The following DNAJC25 variants were observed in gnomAD, a reference collection of about 807,000 sequenced individuals.
DNAJC25 encodes the protein dnaJ homolog subfamily C member 25.
A neutral mutation model predicts 42.1 loss-of-function variants in DNAJC25; 26 were observed. The ratio of observed to expected loss-of-function variants is 0.62; its 90% CI spans 0.45 to 0.86. The LOEUF (loss-of-function observed/expected upper bound fraction) is 0.86. Among genes scored for constraint, DNAJC25 ranks in the 40% least tolerant of loss-of-function variants. The probability of loss-of-function intolerance (pLI) is 0.00; values close to 1 mark genes in which losing one functional copy is unlikely to be tolerated. For missense variants in DNAJC25, 404 were observed against 459.4 expected (o/e 0.88, Z 1.10); for synonymous variants, 189 against 179.9 (o/e 1.05, Z -0.40).
Position 111,649,691 on chromosome 9 carries a change from A to G in DNAJC25, c.728A>G (p.Asp243Gly). ...GGCTATCAGAAACCCCAAATCTGTGATCTTCTCCTGTTTCAAATTATCTTA... is the reference window on the plus strand; with the variant it reads ...GGCTATCAGAAACCCCAAATCTGTGGTCTTCTCCTGTTTCAAATTATCTTA... ...KGGYQKPQICDLLLFQIILAP... is the reference protein window; with the variant it reads ...KGGYQKPQICGLLLFQIILAP... The change falls in exon 3 of 4, where the codon GAT (aspartate) becomes GGT (glycine). Residue 243 changes from aspartate (D) to glycine (G), a missense_variant. Physicochemically the swap from Asp to Gly is moderately conservative, Grantham distance 94. Transcript: ENST00000313525. 6.2e-7 allele frequency: 1 copy of G among 1,614,130 alleles called. No homozygotes were observed. Among genetic ancestry groups the G allele is most frequent in the South Asian group, 1.1e-5 (1 of 91,082 alleles).
At position 111,654,070 on chromosome 9, in the gene DNAJC25, C is replaced by T. The variant is rs762490599; in HGVS notation, c.*848C>T. Reference sequence around the variant, plus strand: ...AGAAATAGTGTATTGAAAAGTTGTTCATCTATTATGAAGTCCTTGAGTGGT... The same window carrying T: ...AGAAATAGTGTATTGAAAAGTTGTTTATCTATTATGAAGTCCTTGAGTGGT... On this transcript the variant is annotated 3_prime_UTR_variant, in exon 4 of 4. Coordinates refer to ENST00000313525, the MANE Select transcript of DNAJC25 (RefSeq NM_001015882.3). The T allele has an allele frequency of 6.6e-6, 1 of 151,702 alleles. No homozygotes were observed. Among genetic ancestry groups the T allele is most frequent in the Non-Finnish European group, 1.5e-5 (1 of 67,950 alleles). 9.4% of individuals were successfully genotyped at this position (151,702 alleles called of 1,614,324 possible). A position where few individuals can be genotyped will look rare whatever the true frequency, so the allele number is the denominator to read the frequency against.
At chr9:111,641,951 C>T (rs1182967357) in intron 1 of DNAJC25, among the ~76,000 whole-genome samples, 4 of 125,884 alleles carry the variant, frequency 3.2e-5, no homozygotes, top group East Asian at 5.6e-4. Flanking sequence ...TTCAGCCCCC[C>T]GCCCGGCCAG....
At chr9:111,641,273 G>C (rs1397311634) in intron 1 of DNAJC25, among the ~76,000 whole-genome samples, 11 of 143,912 alleles carry the variant, frequency 7.6e-5, no homozygotes, top group African/African-American at 2.6e-4. Context: ...TGGGAGGTGA[G>C]GGGCGCCTCT....
chr9:111,633,666 A>G (rs1270509340), intron 1 of DNAJC25, among the ~76,000 whole-genome samples: 1 of 152,148 alleles, frequency 6.6e-6, no homozygotes, highest in Non-Finnish European at 1.5e-5. Context: ...AATGGTGAGC[A>G]TGTTGGTAAG....
At chr9:111,648,337 C>T (rs905461897) in intron 2 of DNAJC25, among the ~76,000 whole-genome samples, 4 of 151,778 alleles carry the variant, frequency 2.6e-5, no homozygotes, top group Non-Finnish European at 5.9e-5. Context: ...TCATGACTCA[C>T]TGTAGCCTTG....
rs751987472 is a variant in DNAJC25, at chr9:111,649,655, A to T, written c.692A>T (p.Asp231Val). 1.2e-5 allele frequency: 20 copies of T among 1,613,840 alleles called. No individual in the cohort carries two copies. The highest frequency in any genetic ancestry group is 1.4e-5 in the Non-Finnish European group (17 of 1,179,932). Residue 231 changes from aspartate to valine, a missense_variant, in exon 3 of 4, where the codon GAT (aspartate) becomes GTT (valine). Asp to Val is a radical substitution (Grantham distance 152). Coordinates refer to ENST00000313525, the MANE Select transcript of DNAJC25 (RefSeq NM_001015882.3). The part of the protein sequence containing the change: ...IIKNIIKSKI[D>V]IKGGYQKPQI... ...AAGAACATTATAAAAAGTAAAATAG[A>T]TATAAAGGGGGGCTATCAGAAACCC...
At chr9:111,652,980 A>G in intron 3 of DNAJC25, 120 bp from the exon 4 acceptor site, 1 of 975,904 alleles carries the variant, frequency 1.0e-6, no homozygotes. Context: ...AATGGTTATC[A>G]ATACATTCAC....
intron 3 of DNAJC25, among the ~76,000 whole-genome samples, chr9:111,651,570 C>T (rs1312808560): frequency 6.6e-6 from 1 of 151,946 alleles, no homozygotes; most frequent in Admixed American, 6.6e-5. Context: ...GTTCATTTTG[C>T]TTTAGTTGAC....
intron 1 of DNAJC25, among the ~76,000 whole-genome samples, chr9:111,641,914 C>T (rs1483086561): frequency 0.032 from 2,797 of 87,036 alleles, 1 homozygote; most frequent in Admixed American, 0.055. Flanking sequence ...CCCAGCCAGC[C>T]GCCCCGTCCG....
intron 1 of DNAJC25, among the ~76,000 whole-genome samples, chr9:111,643,315 G>A (rs1407582342): frequency 6.6e-6 from 1 of 152,184 alleles, no homozygotes; most frequent in Non-Finnish European, 1.5e-5. Context: ...AATGTTTACT[G>A]AATGCCAGGC....
Position 111,640,295 on chromosome 9 carries a change from G to A in DNAJC25, c.337-6812G>A, listed in dbSNP as rs1475394204. ...TCACTACAACCTACACCTCCCAGCC[G>A]CCTGCCTTGGCCTCCCAAAGTGCCG... is the stretch of plus-strand genomic sequence containing the variant. On this transcript the variant is annotated intron_variant, in intron 1 of 3. Coordinates refer to ENST00000313525, the MANE Select transcript of DNAJC25 (RefSeq NM_001015882.3). Among the ~76,000 whole-genome samples the A allele has an allele frequency of 4.8e-5, 7 of 146,102 alleles. No homozygotes were observed. The East Asian group carries it at 1.3e-3, about 27-fold the overall frequency.
In DNAJC25 at chr9:111,641,513, G is replaced by C. The variant is rs1314146602; in HGVS notation, c.337-5594G>C. On this transcript the variant is annotated intron_variant, in intron 1 of 3. Coordinates refer to ENST00000313525, the MANE Select transcript of DNAJC25 (RefSeq NM_001015882.3). ...AGCCCCTCTGCCCGGCCAGCCGCCC[G>C]GTCCGGGAGGGAGGTGGGGGGGTCG... Among the ~76,000 whole-genome samples the C allele has an allele frequency of 5.2e-3, 293 of 56,250 alleles. 6 individuals are homozygous for C. Among genetic ancestry groups the C allele is most frequent in the African/African-American group, 8.2e-3 (84 of 10,242 alleles). The allele number at this position is 56,250 out of a possible 152,430, so 36.9% of individuals were successfully genotyped here. A position where few individuals can be genotyped will look rare whatever the true frequency, so the allele number is the denominator to read the frequency against.
At chr9:111,645,624 C>G (rs1425713397) in intron 1 of DNAJC25, among the ~76,000 whole-genome samples, 1 of 152,142 alleles carries the variant, frequency 6.6e-6, no homozygotes, top group African/African-American at 2.4e-5. Context: ...TAACAAATTT[C>G]TTACTTTAAA....
chr9:111,646,931 T>C (rs947912557), intron 1 of DNAJC25, 176 bp from the exon 2 acceptor site: 1 of 600,764 alleles, frequency 1.7e-6, no homozygotes, highest in Non-Finnish European at 2.5e-6. Flanking sequence ...ATTGAAGTTC[T>C]GAAAATTTAC....
chr9:111,631,662 C>T lies in DNAJC25; in HGVS notation c.255C>T (p.Pro85=), dbSNP rs764033109. 2.6e-6 allele frequency: 4 copies of T among 1,520,860 alleles called. No individual in the cohort carries two copies. Among genetic ancestry groups the T allele is most frequent in the Middle Eastern group, 1.7e-4 (1 of 5,724 alleles). 94.2% of individuals were successfully genotyped at this position (1,520,860 alleles called of 1,614,324 possible). The change falls in exon 1 of 4, where the codon CCC becomes CCT. Residue 85 remains proline (P), a synonymous_variant. Coordinates refer to ENST00000313525, the MANE Select transcript of DNAJC25 (RefSeq NM_001015882.3). ...RYHPDRYRPQ[P]GDEGPGRTPQ... is the part of the protein sequence containing the mutation. ...ACCCTGACCGCTACCGGCCCCAGCCCGGAGACGAGGGCCCCGGGCGGACGC... is the reference window on the plus strand; with the variant it reads ...ACCCTGACCGCTACCGGCCCCAGCCTGGAGACGAGGGCCCCGGGCGGACGC...
At chr9:111,634,923 T>G (rs1418860520) in intron 1 of DNAJC25, among the ~76,000 whole-genome samples, 1 of 152,214 alleles carries the variant, frequency 6.6e-6, no homozygotes, top group African/African-American at 2.4e-5. Flanking sequence ...GGCCTCATGC[T>G]TTCACCAAGT....
intron 1 of DNAJC25, among the ~76,000 whole-genome samples, chr9:111,641,517 C>G (rs1395944086): frequency 1.2e-5 from 1 of 85,736 alleles, no homozygotes; most frequent in African/African-American, 5.6e-5. Flanking sequence ...CCGCCCGGTC[C>G]GGGAGGGAGG....
chr9:111,631,672 G>T lies in DNAJC25; in HGVS notation c.265G>T (p.Gly89Cys). 1 of 1,522,160 alleles carries T rather than the reference G, an allele frequency of 6.6e-7. No individual in the cohort carries two copies. 94.3% of individuals were successfully genotyped at this position (1,522,160 alleles called of 1,614,324 possible). A position where few individuals can be genotyped will look rare whatever the true frequency, so the allele number is the denominator to read the frequency against. ...DRYRPQPGDE[G>C]PGRTPQSAEE... ...CTACCGGCCCCAGCCCGGAGACGAG[G>T]GCCCCGGGCGGACGCCGCAGAGCGC... Residue 89 changes from glycine (G) to cysteine (C), a missense_variant, in exon 1 of 4, where the codon GGC becomes TGC. Coordinates refer to ENST00000313525, the MANE Select transcript of DNAJC25 (RefSeq NM_001015882.3).
rs748498270 is a variant in DNAJC25 at position 111,647,198 on chromosome 9, C to A, written c.428C>A (p.Ala143Asp). The A allele has an allele frequency of 1.2e-6, 2 of 1,614,054 alleles. No homozygotes were observed. The highest frequency in any genetic ancestry group is 1.3e-5 in the African/African-American group (1 of 74,928). The change falls in exon 2 of 4, where the codon GCC (alanine) becomes GAC (aspartate). Residue 143 changes from alanine (A) to aspartate (D), a missense_variant. Ala to Asp is a moderately radical substitution (Grantham distance 126). Transcript: ENST00000313525. ...HYYHYYSRRL[A>D]PKVDVRVVIL... ...TACCACTACTATAGCAGGCGCTTGG[C>A]CCCTAAGGTGGATGTTAGAGTAGTG...
Sources: gnomAD v4.1 joint callset for allele counts (sites outside exome capture counted in the v4.1 genomes callset) on GRCh38, gnomAD v4.1.1 for gene constraint, MANE v1.5 for transcripts, NCBI Gene and HGNC (gene_info 2026-07-23, HGNC 2026-07-21) for gene names.